The following RNASE11 variants were observed in gnomAD, a reference collection of about 807,000 sequenced individuals.
RNASE11 encodes the protein ribonuclease A family member 11 (inactive), also known as putative inactive ribonuclease 11.
For synonymous variants in RNASE11, 105 were observed against 86.1 expected (o/e 1.22, Z -1.21); for missense variants, 252 against 237.8 (o/e 1.06, Z -0.39).
chr14:20,590,207 A>G, upstream of RNASE11: 4 of 1,570,836 alleles, frequency 2.5e-6, no homozygotes, highest in South Asian at 4.8e-5. Context: ...TCCACGGTCC[A>G]GGTCTGCCTC....
chr14:20,586,220 T>C (rs1000432270), intron 1 of RNASE11, among the ~76,000 whole-genome samples: 1 of 152,204 alleles, frequency 6.6e-6, no homozygotes, highest in African/African-American at 2.4e-5. Flanking sequence ...TCAGTGTGAC[T>C]CTTTTTTTAA....
exon 1 of RNASE11, chr14:20,587,667 A>G: frequency 1.0e-6 from 1 of 985,448 alleles, no homozygotes; most frequent in Non-Finnish European, 1.2e-6. Flanking sequence ...ACAGAGAACT[A>G]GAAAATGAAA....
intron 1 of RNASE11, chr14:20,585,155 G>A (rs765043295): frequency 1.2e-6 from 1 of 856,164 alleles, no homozygotes; most frequent in Non-Finnish European, 1.4e-6. Context: ...GGCAACAGAG[G>A]GGTAGATAGG....
chr14:20,586,055 C>T (rs1884427235), intron 1 of RNASE11, among the ~76,000 whole-genome samples: 1 of 152,182 alleles, frequency 6.6e-6, no homozygotes, highest in African/African-American at 2.4e-5. Flanking sequence ...ACATAACTTG[C>T]AACAACACTC....
At chr14:20,584,180 T>C (rs1430243348) in exon 2 of RNASE11, 1 of 1,614,218 alleles carries the variant, frequency 6.2e-7, no homozygotes. Flanking sequence ...GTCATGTCAT[T>C]GCAACACTCT....
chr14:20,584,218 G>A, exon 2 of RNASE11: 7 of 1,614,150 alleles, frequency 4.3e-6, no homozygotes, highest in Non-Finnish European at 5.9e-6. Flanking sequence ...GTTTCCCTTG[G>A]GGTCATTATA....
chr14:20,584,609 A>G, intron 1 of RNASE11, 113 bp from the exon 3 acceptor site: 1 of 735,304 alleles, frequency 1.4e-6, no homozygotes, highest in Non-Finnish European at 2.1e-6. Context: ...TAAAATTTTT[A>G]TATCTGTGAA....
chr14:20,585,202 A>G (rs1279201139), intron 1 of RNASE11: 7 of 421,724 alleles, frequency 1.7e-5, no homozygotes, highest in Non-Finnish European at 2.2e-5. Context: ...ACGTGGAACC[A>G]AGGAAGCTCA....
At chr14:20,586,925 GGATCACT>G (rs1884446476) in intron 1 of RNASE11, among the ~76,000 whole-genome samples, 1 of 152,190 alleles carries the variant, frequency 6.6e-6, no homozygotes, top group Non-Finnish European at 1.5e-5. Context: ...CAATGCGGGA[GGATCACT>G]TGAGGCCAGA....
chr14:20,590,232 C>G, upstream of RNASE11: 4 of 1,596,322 alleles, frequency 2.5e-6, no homozygotes, highest in Non-Finnish European at 3.4e-6. Context: ...ACAGCCAGCT[C>G]CAATGCCATT....
At chr14:20,587,768 C>T (rs567185152), upstream of RNASE11, 25 of 985,500 alleles carry the variant, frequency 2.5e-5, no homozygotes, top group Admixed American at 8.6e-4. Context: ...CCTTCACTTA[C>T]GATTATCCCC....
chr14:20,586,082 T>A (rs926294617), intron 1 of RNASE11, among the ~76,000 whole-genome samples: 1 of 152,216 alleles, frequency 6.6e-6, no homozygotes, highest in Admixed American at 6.5e-5. Context: ...TTTGAAACAT[T>A]CCTCTTTGCT....
exon 2 of RNASE11, chr14:20,584,351 T>G: frequency 1.2e-6 from 2 of 1,614,188 alleles, no homozygotes; most frequent in African/African-American, 1.3e-5. Context: ...TCTTGGCCAC[T>G]TTTTGCCATG....
At chr14:20,583,423 C>G (rs1189964660), downstream of RNASE11, 1 of 161,710 alleles carries the variant, frequency 6.2e-6, no homozygotes, top group Non-Finnish European at 1.4e-5. Flanking sequence ...TCAATTCACA[C>G]AAGTGTGAGC....
intron 1 of RNASE11, among the ~76,000 whole-genome samples, chr14:20,584,841 A>G (rs1274005066): frequency 6.6e-6 from 1 of 152,178 alleles, no homozygotes; most frequent in Non-Finnish European, 1.5e-5. Flanking sequence ...GGTGGGGTGT[A>G]TAATCTCCAT....
chr14:20,588,690 T>A (rs1248610714), upstream of RNASE11, among the ~76,000 whole-genome samples: 1 of 152,198 alleles, frequency 6.6e-6, no homozygotes, highest in East Asian at 1.9e-4. Flanking sequence ...TAGGCTGAGG[T>A]TAATGAGACA....
chr14:20,584,196 A>T (rs780608553), exon 2 of RNASE11: 14 of 1,614,202 alleles, frequency 8.7e-6, no homozygotes, highest in Non-Finnish European at 1.1e-5. Flanking sequence ...ACTCTTTGTC[A>T]TTACCCGAAC....
upstream of RNASE11, chr14:20,590,193 C>T (rs1464465571): frequency 4.5e-6 from 7 of 1,539,376 alleles, no homozygotes; most frequent in Non-Finnish European, 6.1e-6. Context: ...GGCATTGCCC[C>T]ATGTCCACGG....
chr14:20,583,790 G>T, exon 2 of RNASE11: 2 of 1,391,672 alleles, frequency 1.4e-6, no homozygotes, highest in Non-Finnish European at 2.0e-6. Flanking sequence ...GTGCTAAAGA[G>T]TAGATATTAA....
Sources: allele counts gnomAD v4.1 joint callset (sites outside exome capture counted in the v4.1 genomes callset), GRCh38; gene constraint gnomAD v4.1.1; transcripts MANE v1.5; gene names NCBI Gene and HGNC (gene_info 2026-07-23, HGNC 2026-07-21).